Variants in DTNB observed in about 807,000 individuals in gnomAD.
DTNB encodes DTN-B.
Under a neutral mutation model 90.7 loss-of-function variants are expected in DTNB, and 63 were observed. That is an observed-to-expected ratio of 0.69 (90% CI 0.57 to 0.86). DTNB has a LOEUF of 0.86. DTNB is among the 40% of genes least tolerant of loss of function. The probability of loss-of-function intolerance (pLI) is 0.00; values close to 1 mark genes in which losing one functional copy is unlikely to be tolerated. For missense variants in DTNB, 744 were observed against 807.1 expected (o/e 0.92, Z 0.95); for synonymous variants, 277 against 286.7 (o/e 0.97, Z 0.34).
chr2:25,588,281 T>C (rs1028770075), intron 6 of DTNB, among the ~76,000 whole-genome samples: 5 of 152,198 alleles, frequency 3.3e-5, no homozygotes, highest in Non-Finnish European at 7.4e-5. Flanking sequence ...TAACATCCAG[T>C]GTATTCCCCT....
chr2:25,529,851 GT>G (rs1353351433), intron 9 of DTNB, among the ~76,000 whole-genome samples: 2 of 152,114 alleles, frequency 1.3e-5, no homozygotes, highest in African/African-American at 4.8e-5. Flanking sequence ...AGAAGACTTA[GT>G]TATGGTTATC....
intron 5 of DTNB, among the ~76,000 whole-genome samples, chr2:25,599,332 T>C (rs1165428562): frequency 1.4e-5 from 2 of 146,974 alleles, no homozygotes; most frequent in African/African-American, 2.5e-5. Context: ...CATTACTGTT[T>C]GAACTAACTA....
intron 5 of DTNB, among the ~76,000 whole-genome samples, chr2:25,597,759 T>C (rs1319275637): frequency 6.6e-6 from 1 of 152,224 alleles, no homozygotes; most frequent in Non-Finnish European, 1.5e-5. Context: ...TCCTATTATG[T>C]GGTCCAAGTG....
intron 9 of DTNB, among the ~76,000 whole-genome samples, chr2:25,506,574 T>C (rs2072491046): frequency 1.3e-5 from 2 of 152,280 alleles, no homozygotes; most frequent in Admixed American, 6.5e-5. Flanking sequence ...TATGTGTCCA[T>C]GTGTTCTCAG....
intron 10 of DTNB, among the ~76,000 whole-genome samples, chr2:25,476,524 A>G (rs1263153979): frequency 6.6e-6 from 1 of 152,192 alleles, no homozygotes; most frequent in Non-Finnish European, 1.5e-5. Context: ...AACATTTGTG[A>G]TTCATGGGAG....
chr2:25,654,774 T>C (rs2081723940), intron 1 of DTNB, among the ~76,000 whole-genome samples: 1 of 152,230 alleles, frequency 6.6e-6, no homozygotes, highest in Non-Finnish European at 1.5e-5. Flanking sequence ...TTTCAAACAC[T>C]AGCTCCAACA....
At chr2:25,633,023 C>T (rs1312679651) in intron 3 of DTNB, among the ~76,000 whole-genome samples, 2 of 152,124 alleles carry the variant, frequency 1.3e-5, no homozygotes, top group African/African-American at 2.4e-5. Flanking sequence ...TCAGAAATAA[C>T]AAAACTATGT....
intron 6 of DTNB, among the ~76,000 whole-genome samples, chr2:25,595,358 T>G (rs780450765): frequency 6.6e-5 from 10 of 152,226 alleles, no homozygotes; most frequent in Non-Finnish European, 1.5e-4. Flanking sequence ...ATATCCTGTT[T>G]CCATTAATTT....
chr2:25,530,528 T>C (rs1269122730), intron 9 of DTNB, among the ~76,000 whole-genome samples: 1 of 152,218 alleles, frequency 6.6e-6, no homozygotes, highest in East Asian at 1.9e-4. Flanking sequence ...TAACTATTAG[T>C]AGATTTAAAA....
At chr2:25,545,950 C>A (rs528651493) in intron 8 of DTNB, among the ~76,000 whole-genome samples, 1 of 152,314 alleles carries the variant, frequency 6.6e-6, no homozygotes, top group South Asian at 2.1e-4. Context: ...CTTGCGAACC[C>A]TGAAAGAGTC....
intron 9 of DTNB, among the ~76,000 whole-genome samples, chr2:25,529,280 C>T (rs2077702579): frequency 6.6e-6 from 1 of 151,970 alleles, no homozygotes; most frequent in African/African-American, 2.4e-5. Context: ...AATGAATGAC[C>T]CTGAGACAAG....
chr2:25,464,707 G>A (rs927858359), intron 10 of DTNB, among the ~76,000 whole-genome samples: 3 of 152,176 alleles, frequency 2.0e-5, no homozygotes, highest in South Asian at 2.1e-4. Flanking sequence ...CATCAGCAGC[G>A]AGAAGTCATG....
chr2:25,631,071 G>A lies in DTNB; in HGVS notation c.149-2687C>T, dbSNP rs74807031. Among the ~76,000 whole-genome samples the A allele has an allele frequency of 9.4e-3, 1,430 of 152,216 alleles. 16 individuals are homozygous for A. Among genetic ancestry groups the A allele is most frequent in the African/African-American group, 0.032 (1,343 of 41,524 alleles). ...GAGATGAAGGGAATGTGGAGTGACT[G>A]TTAATGGGTATGTGGTTTGTTTCTG... On this transcript the variant is annotated intron_variant, in intron 3 of 20. Transcript: ENST00000406818.
intron 8 of DTNB, among the ~76,000 whole-genome samples, chr2:25,571,715 C>T (rs1250187734): frequency 6.6e-6 from 1 of 152,178 alleles, no homozygotes; most frequent in East Asian, 1.9e-4. Flanking sequence ...GGGCTGTGCT[C>T]CATCCATGCA....
chr2:25,673,178 G>C (rs1163873694), intron 1 of DTNB, among the ~76,000 whole-genome samples: 1 of 151,574 alleles, frequency 6.6e-6, no homozygotes, highest in African/African-American at 2.4e-5. Context: ...TGTCCCTCCG[G>C]GGCTAGCCGC....
At chr2:25,640,104 G>A (rs1489538010) in intron 2 of DTNB, among the ~76,000 whole-genome samples, 1 of 152,190 alleles carries the variant, frequency 6.6e-6, no homozygotes, top group East Asian at 1.9e-4. Flanking sequence ...GACTGTTTGA[G>A]GGGTAAGCGA....
intron 2 of DTNB, among the ~76,000 whole-genome samples, chr2:25,643,454 A>C (rs539451935): frequency 6.6e-6 from 1 of 152,372 alleles, no homozygotes; most frequent in South Asian, 2.1e-4. Flanking sequence ...TGAAATAGTT[A>C]TTGAGTGAAT....
intron 8 of DTNB, among the ~76,000 whole-genome samples, chr2:25,561,558 TG>T (rs2058264777): frequency 6.6e-6 from 1 of 152,158 alleles, no homozygotes; most frequent in South Asian, 2.1e-4. Context: ...GTGTTAGAGG[TG>T]GGGCGTGGTG....
intron 5 of DTNB, chr2:25,598,812 G>C (rs2065201495): frequency 6.6e-6 from 1 of 151,910 alleles, no homozygotes; most frequent in South Asian, 2.1e-4. Flanking sequence ...CCGGTGATAA[G>C]CAGGAAACAG....
Sources: gnomAD v4.1 joint callset for allele counts (sites outside exome capture counted in the v4.1 genomes callset) on GRCh38, gnomAD v4.1.1 for gene constraint, MANE v1.5 for transcripts, NCBI Gene and HGNC (gene_info 2026-07-23, HGNC 2026-07-21) for gene names.